The following LEKR1 variants were observed in gnomAD, a reference collection of about 807,000 sequenced individuals.
LEKR1 encodes protein LEKR1.
LEKR1 carries 59 observed loss-of-function variants against 72.4 expected under a neutral mutation model. That is an observed-to-expected ratio of 0.82 (90% confidence interval 0.66 to 1.01). The LOEUF (loss-of-function observed/expected upper bound fraction) is 1.01, where lower values mean the gene tolerates loss of function less well. LEKR1 is among the 50% of genes least tolerant of loss of function. LEKR1 has a pLI of 0.00. For missense variants in LEKR1, 728 were observed against 759.2 expected (o/e 0.96, Z 0.48); for synonymous variants, 257 against 263.2 (o/e 0.98, Z 0.23).
rs185269691 is a variant in LEKR1, at chr3:156,912,937, T to C, written c.264-7638T>C. ...CCCTACCTCACACTCTGAGGACTTA[T>C]AGTTTTTTACCTGGCTCATAGTGTA... On this transcript the variant is annotated intron_variant, in intron 3 of 12. Coordinates refer to ENST00000356539, the MANE Select transcript of LEKR1 (RefSeq NM_001004316.3). 9.2e-5 allele frequency among the ~76,000 whole-genome samples: 14 copies of C among 152,326 alleles called. No individual in the cohort carries two copies. The East Asian group carries it at 1.9e-3, about 21-fold the overall frequency.
At chr3:156,839,877 A>G (rs1428081481) in intron 2 of LEKR1, among the ~76,000 whole-genome samples, 1 of 152,168 alleles carries the variant, frequency 6.6e-6, no homozygotes, top group Non-Finnish European at 1.5e-5. Context: ...TGAAAAAGCA[A>G]AAAAGTTCGA....
chr3:156,899,347 TATAC>T, intron 3 of LEKR1, among the ~76,000 whole-genome samples: 1 of 121,002 alleles, frequency 8.3e-6, no homozygotes, highest in African/African-American at 3.7e-5. Flanking sequence ...TATACACATA[TATAC>T]ATGTATATAT....
chr3:156,927,054 G>T (rs551688700), intron 4 of LEKR1, among the ~76,000 whole-genome samples: 1 of 151,972 alleles, frequency 6.6e-6, no homozygotes, highest in Admixed American at 6.6e-5. Context: ...CGGGACAAAT[G>T]CTGTATAAGA....
chr3:157,003,816 C>G (rs933292055), intron 9 of LEKR1, among the ~76,000 whole-genome samples: 3 of 151,952 alleles, frequency 2.0e-5, no homozygotes, highest in Non-Finnish European at 4.4e-5. Context: ...CTGTAGCAAC[C>G]ACTAAAATAA....
chr3:156,892,677 A>G (rs1330455218), intron 3 of LEKR1, among the ~76,000 whole-genome samples: 2 of 152,170 alleles, frequency 1.3e-5, no homozygotes, highest in Non-Finnish European at 2.9e-5. Context: ...ATTCTTTACC[A>G]TTCAACTTCC....
intron 10 of LEKR1, among the ~76,000 whole-genome samples, chr3:157,022,104 C>A (rs1459208909): frequency 1.3e-5 from 2 of 152,086 alleles, no homozygotes; most frequent in African/African-American, 4.8e-5. Context: ...CTGCAACAGG[C>A]CAAGGCAGCA....
In LEKR1 at chr3:157,028,307, T is replaced by C. The variant is rs758006504; in HGVS notation, c.1573T>C (p.Leu525=). The change falls in exon 12 of 13, where the codon TTG becomes CTG. Residue 525 remains leucine, a synonymous_variant. Transcript: ENST00000356539. ...CAGTAATGATTCAGTTTCAGAAAAC[T>C]TGAGGAAGGAAATGGAACAGAAGTC... ...IDSNDSVSEN[L]RKEMEQKSDE... is the part of the protein sequence containing the mutation. The C allele has an allele frequency of 6.2e-6, 10 of 1,613,402 alleles. No individual in the cohort carries two copies. The Admixed American group carries it at 1.0e-4, about 16-fold the overall frequency.
chr3:156,962,286 G>A (rs532689136), intron 6 of LEKR1, among the ~76,000 whole-genome samples: 1 of 152,290 alleles, frequency 6.6e-6, no homozygotes, highest in South Asian at 2.1e-4. Context: ...TATGACCTTG[G>A]CTTCAAATAA....
At chr3:156,863,698 T>C (rs990998089) in intron 3 of LEKR1, among the ~76,000 whole-genome samples, 35 of 152,124 alleles carry the variant, frequency 2.3e-4, no homozygotes, top group African/African-American at 7.5e-4. Flanking sequence ...ATAATGATGC[T>C]CACACAGCTG....
chr3:156,985,842 CAA>C (rs34169262), intron 7 of LEKR1, among the ~76,000 whole-genome samples: 68,022 of 119,360 alleles, frequency 0.57, 18,442 homozygotes, highest in East Asian at 0.82. Flanking sequence ...GACTCTGTGT[CAA>C]AAAAAAAAAA....
chr3:156,936,463 A>ACC (rs1305339799), intron 5 of LEKR1, among the ~76,000 whole-genome samples: 1 of 122,404 alleles, frequency 8.2e-6, no homozygotes, highest in Non-Finnish European at 1.8e-5. Flanking sequence ...ACACACACAC[A>ACC]CACCCCCCGT....
intron 2 of LEKR1, 50 bp downstream of exon 2, chr3:156,829,427 T>C: frequency 7.6e-7 from 1 of 1,312,062 alleles, no homozygotes; most frequent in Non-Finnish European, 1.0e-6. Flanking sequence ...ATGTAGCAGT[T>C]ACATAATTCT....
At chr3:156,973,818 A>T (rs1031760043) in intron 6 of LEKR1, among the ~76,000 whole-genome samples, 1 of 152,158 alleles carries the variant, frequency 6.6e-6, no homozygotes, top group African/African-American at 2.4e-5. Context: ...TAAACCAGAG[A>T]CACTACTTTG....
rs1038248848 is a variant in LEKR1 at position 156,984,399 on chromosome 3, G to A, written c.827+5124G>A. 1.7e-4 allele frequency among the ~76,000 whole-genome samples: 26 copies of A among 152,216 alleles called. No homozygotes were observed. The South Asian group carries it at 2.1e-3, about 12-fold the overall frequency. The stretch of plus-strand genomic sequence containing the variant: ...ATTATGTAAAATATGTTTTCTGGCC[G>A]GGCGCAGTGCCTCATGCCTGTAATC... On this transcript the variant is annotated intron_variant, in intron 7 of 12. Coordinates refer to ENST00000356539, the MANE Select transcript of LEKR1 (RefSeq NM_001004316.3).
intron 2 of LEKR1, among the ~76,000 whole-genome samples, chr3:156,848,353 C>T (rs1190015300): frequency 6.6e-6 from 1 of 152,072 alleles, no homozygotes; most frequent in Non-Finnish European, 1.5e-5. Flanking sequence ...AACCAATGAA[C>T]TTAATTTCAA....
chr3:156,847,414 C>G (rs1714747497), intron 2 of LEKR1, among the ~76,000 whole-genome samples: 1 of 152,026 alleles, frequency 6.6e-6, no homozygotes, highest in African/African-American at 2.4e-5. Context: ...AATGATAGGC[C>G]TTTTGTCAAG....
At chr3:156,849,490 C>G (rs201284021) in intron 2 of LEKR1, among the ~76,000 whole-genome samples, 3 of 150,286 alleles carry the variant, frequency 2.0e-5, no homozygotes, top group South Asian at 2.1e-4. Flanking sequence ...AGGCATCACG[C>G]TACCTGACTT....
At chr3:157,003,824 T>G (rs992308603) in intron 9 of LEKR1, among the ~76,000 whole-genome samples, 1 of 150,966 alleles carries the variant, frequency 6.6e-6, no homozygotes, top group Non-Finnish European at 1.5e-5. Context: ...ACCACTAAAA[T>G]AAAACTAAAC....
At chr3:157,001,233 G>A (rs1576977636) in intron 9 of LEKR1, among the ~76,000 whole-genome samples, 1 of 152,124 alleles carries the variant, frequency 6.6e-6, no homozygotes, top group Non-Finnish European at 1.5e-5. Flanking sequence ...AATTTTATCA[G>A]GTTTTTTCTC....
Sources: allele counts gnomAD v4.1 joint callset (sites outside exome capture counted in the v4.1 genomes callset), GRCh38; gene constraint gnomAD v4.1.1; transcripts MANE v1.5; gene names NCBI Gene and HGNC (gene_info 2026-07-23, HGNC 2026-07-21).